ZNF469: variants seen among roughly 807,000 people sequenced by gnomAD.
ZNF469 encodes the protein zinc finger protein 469.
ZNF469 carries 1 observed loss-of-function variant against 1.0 expected under a neutral mutation model. The ratio of observed to expected loss-of-function variants is 1.00; its 90% CI spans 0.35 to 4.73. The LOEUF (loss-of-function observed/expected upper bound fraction) is 4.73, where lower values mean the gene tolerates loss of function less well. ZNF469 is among the 30% of genes most tolerant of loss of function. The pLI is 0.16. For missense variants in ZNF469, 6,100 were observed against 5,356.3 expected (o/e 1.14, Z -4.33); for synonymous variants, 2,703 against 2,363.4 (o/e 1.14, Z -4.17).
chr16:88,204,785 A>G, the ZNF469 span, among the ~76,000 whole-genome samples: 1 of 152,132 alleles, frequency 6.6e-6, no homozygotes, highest in African/African-American at 2.4e-5. Context: ...TGGGGCGTTC[A>G]CTGGATTTGC....
At chr16:88,231,658 C>T in the ZNF469 span, among the ~76,000 whole-genome samples, 4 of 152,292 alleles carry the variant, frequency 2.6e-5, no homozygotes, top group African/African-American at 9.6e-5. The surrounding 1 kb of genome is among the most constrained non-coding windows in gnomAD (Gnocchi z 4.5). Flanking sequence ...AGCCTCTTTC[C>T]ATTTCTCTCT....
chr16:88,340,337 G>A, the ZNF469 span, among the ~76,000 whole-genome samples: 3 of 152,200 alleles, frequency 2.0e-5, no homozygotes, highest in African/African-American at 7.2e-5. Context: ...ACATGAACAG[G>A]TATAATGGAC....
At position 88,436,668 on chromosome 16, in the gene ZNF469, C is replaced by T. The variant is rs1217840452; in HGVS notation, c.9198C>T (p.Asp3066=). The T allele has an allele frequency of 3.2e-6, 5 of 1,550,298 alleles. No homozygotes were observed. The South Asian group carries it at 3.6e-5, about 11-fold the overall frequency. The change falls in exon 3 of 3, where the codon GAC becomes GAT. Residue 3066 remains aspartate, a synonymous_variant. Coordinates refer to ENST00000565624, the MANE Select transcript of ZNF469 (RefSeq NM_001367624.2). The part of the protein sequence containing the change: ...QDLCFLGPFE[D]PVGLPGPSFL... ...TGTGCTTTCTGGGACCCTTTGAAGA[C>T]CCCGTGGGTCTCCCCGGCCCCAGCT...
chr16:88,283,112 G>T, the ZNF469 span, among the ~76,000 whole-genome samples: 1 of 152,074 alleles, frequency 6.6e-6, no homozygotes, highest in Non-Finnish European at 1.5e-5. Context: ...TATTTTAGTC[G>T]TTGACATTTA....
chr16:88,174,743 A>G, the ZNF469 span, among the ~76,000 whole-genome samples: 2 of 150,318 alleles, frequency 1.3e-5, no homozygotes, highest in Non-Finnish European at 1.5e-5. Context: ...TGGTTATAAT[A>G]TTTTTCTCTA....
At chr16:88,321,024 A>T in the ZNF469 span, among the ~76,000 whole-genome samples, 12 of 152,258 alleles carry the variant, frequency 7.9e-5, no homozygotes, top group Admixed American at 7.8e-4. Context: ...GCTGCCTTTC[A>T]GTATGAAATG....
At chr16:88,420,856 T>C (rs1905435036) in intron 1 of ZNF469, among the ~76,000 whole-genome samples, 1 of 152,070 alleles carries the variant, frequency 6.6e-6, no homozygotes, top group Admixed American at 6.5e-5. Flanking sequence ...GATCCCACAG[T>C]CAAGGAGTGC....
the ZNF469 span, among the ~76,000 whole-genome samples, chr16:88,203,533 G>T: frequency 6.6e-6 from 1 of 152,166 alleles, no homozygotes; most frequent in Non-Finnish European, 1.5e-5. Flanking sequence ...GGAGCTGGGG[G>T]CCAAAGCCGT....
chr16:88,383,767 AGTCGGCGGT>A (rs2092531246), intron 1 of ZNF469, among the ~76,000 whole-genome samples: 1 of 151,756 alleles, frequency 6.6e-6, no homozygotes, highest in Non-Finnish European at 1.5e-5. Context: ...TAGGCTTGCG[AGTCGGCGGT>A]GTCAGCGCCC....
chr16:88,167,650 C>T, the ZNF469 span, among the ~76,000 whole-genome samples: 3 of 152,132 alleles, frequency 2.0e-5, no homozygotes, highest in Non-Finnish European at 4.4e-5. Flanking sequence ...GACCCAGCCC[C>T]GGGGGAAGTC....
chr16:88,411,846 C>A (rs1000750322), intron 1 of ZNF469, among the ~76,000 whole-genome samples: 1 of 152,146 alleles, frequency 6.6e-6, no homozygotes, highest in African/African-American at 2.4e-5. Flanking sequence ...GCTGAACAGG[C>A]CCACACCTGG....
In ZNF469 at chr16:88,414,278, G is replaced by T. The variant is rs550561560; in HGVS notation, c.-191-10529G>T. On this transcript the variant is annotated intron_variant, in intron 1 of 2. Coordinates refer to ENST00000565624, the MANE Select transcript of ZNF469 (RefSeq NM_001367624.2). ...GGACACGGCCACAGATCACGGCCACGGATCCCATCACGCCCGGGCTTCAGT... is the reference window on the plus strand; with the variant it reads ...GGACACGGCCACAGATCACGGCCACTGATCCCATCACGCCCGGGCTTCAGT... 4.7e-4 allele frequency among the ~76,000 whole-genome samples: 72 copies of T among 152,330 alleles called. 1 individual carries two copies. In the South Asian group the frequency reaches 0.015, roughly 31 times the overall value.
At chr16:88,298,655 G>C in the ZNF469 span, among the ~76,000 whole-genome samples, 1 of 151,984 alleles carries the variant, frequency 6.6e-6, no homozygotes, top group Non-Finnish European at 1.5e-5. Flanking sequence ...GAGAGATTTG[G>C]CCCTGGGACA....
the ZNF469 span, among the ~76,000 whole-genome samples, chr16:88,288,223 C>G: frequency 6.6e-6 from 1 of 152,042 alleles, no homozygotes; most frequent in Non-Finnish European, 1.5e-5. Context: ...TAGATCCATG[C>G]CCTTCACCTT....
At position 88,439,454 on chromosome 16, in the gene ZNF469, C is replaced by T. The variant is rs1470968782; in HGVS notation, c.*122C>T. On this transcript the variant is annotated 3_prime_UTR_variant, in exon 3 of 3. Transcript: ENST00000565624. ...CCACTTGACTTCTTGTGCAACTGCT[C>T]AGGCCTTGATGTCAGAGCTGAGGTG... 3.6e-6 allele frequency: 4 copies of T among 1,106,052 alleles called. No homozygotes were observed. Among genetic ancestry groups the T allele is most frequent in the Non-Finnish European group, 5.3e-6 (4 of 752,114 alleles). The allele number at this position is 1,106,052 out of a possible 1,614,324, so 68.5% of individuals were successfully genotyped here.
the ZNF469 span, among the ~76,000 whole-genome samples, chr16:88,264,255 G>A: frequency 1.3e-5 from 2 of 152,014 alleles, no homozygotes; most frequent in African/African-American, 2.4e-5. Context: ...CCACAGAGAG[G>A]AGCGGACGCC....
chr16:88,118,365 T>C, the ZNF469 span, among the ~76,000 whole-genome samples: 113,423 of 152,222 alleles, frequency 0.75, 42,915 homozygotes, highest in Middle Eastern at 0.87. Context: ...GGGCTCTCCA[T>C]AGCCCCACCC....
At chr16:88,256,259 C>T in the ZNF469 span, among the ~76,000 whole-genome samples, 53 of 152,344 alleles carry the variant, frequency 3.5e-4, no homozygotes, top group Middle Eastern at 3.4e-3. Flanking sequence ...TGATGGCTCT[C>T]ACAGTTTTGC....
Position 88,427,488 on chromosome 16 carries a change from C to G in ZNF469, c.18C>G (p.Pro6=), listed in dbSNP as rs1905764675. 2.0e-6 allele frequency: 3 copies of G among 1,524,840 alleles called. No individual in the cohort carries two copies. The highest frequency in any genetic ancestry group is 2.4e-5 in the South Asian group (2 of 82,752). 94.5% of individuals were successfully genotyped at this position (1,524,840 alleles called of 1,614,324 possible). A position where few individuals can be genotyped will look rare whatever the true frequency, so the allele number is the denominator to read the frequency against. Residue 6 remains proline (P), a synonymous_variant, in exon 3 of 3, where the codon CCC becomes CCG. Transcript: ENST00000565624. MPGER[P]RGAPPPTMTG... is the part of the protein sequence containing the mutation. ...GAGGGGCCATGCCTGGGGAGCGCCCCCGAGGAGCGCCGCCCCCCACCATGA... is the reference window on the plus strand; with the variant it reads ...GAGGGGCCATGCCTGGGGAGCGCCCGCGAGGAGCGCCGCCCCCCACCATGA...
Sources: allele counts gnomAD v4.1 joint callset (sites outside exome capture counted in the v4.1 genomes callset), GRCh38; gene constraint gnomAD v4.1.1; non-coding constraint Gnocchi (gnomAD v3.1); transcripts MANE v1.5; gene names NCBI Gene and HGNC (gene_info 2026-07-23, HGNC 2026-07-21).